Variants in ZNF710 observed in about 807,000 individuals in gnomAD.
ZNF710 encodes the protein zinc finger protein 710.
Under a neutral mutation model 50.6 loss-of-function variants are expected in ZNF710, and 13 were observed. The ratio of observed to expected loss-of-function variants is 0.26; its 90% CI spans 0.17 to 0.41. The LOEUF is 0.41. ZNF710 is among the 10% of genes least tolerant of loss of function. The pLI is 1.00. For missense variants in ZNF710, 721 were observed against 936.6 expected (o/e 0.77, Z 3.01); for synonymous variants, 383 against 397.0 (o/e 0.96, Z 0.42).
chr15:90,014,890 ATT>A (rs71151546), intron 1 of ZNF710, among the ~76,000 whole-genome samples: 32 of 136,690 alleles, frequency 2.3e-4, no homozygotes, highest in Admixed American at 4.4e-4. Context: ...CATCAACTGA[ATT>A]TTTTTTTTTT....
At chr15:90,050,265 G>C (rs1198297649) in intron 1 of ZNF710, among the ~76,000 whole-genome samples, 1 of 152,224 alleles carries the variant, frequency 6.6e-6, no homozygotes, top group African/African-American at 2.4e-5. Flanking sequence ...GCTGCCAGGG[G>C]CTCTGCTGGC....
rs748877722 is a variant in ZNF710 at position 90,079,854 on chromosome 15, G to A, written c.*25G>A. On this transcript the variant is annotated 3_prime_UTR_variant, in exon 5 of 5. Coordinates refer to ENST00000268154, the MANE Select transcript of ZNF710 (RefSeq NM_198526.4). ...GCGCAAGCTGGGCCACCCCTAACGG[G>A]GGCCGGGGGCGAGGGCATGGGGGTG... 2 of 1,566,824 alleles carry A rather than the reference G, an allele frequency of 1.3e-6. No individual in the cohort carries two copies. Among genetic ancestry groups the A allele is most frequent in the East Asian group, 2.3e-5 (1 of 43,148 alleles).
intron 1 of ZNF710, among the ~76,000 whole-genome samples, chr15:90,055,364 A>G (rs1179292019): frequency 6.6e-6 from 1 of 152,096 alleles, no homozygotes; most frequent in Non-Finnish European, 1.5e-5. Flanking sequence ...TGTGCAGGTG[A>G]GGTCTATTAA....
chr15:90,045,012 G>C (rs1451746189), intron 1 of ZNF710, among the ~76,000 whole-genome samples: 1 of 152,086 alleles, frequency 6.6e-6, no homozygotes, highest in Non-Finnish European at 1.5e-5. Flanking sequence ...CTGTTAGTCT[G>C]CCTGCTGAAC....
At chr15:90,071,645 T>TA (rs777252036) in intron 2 of ZNF710, among the ~76,000 whole-genome samples, 2 of 150,450 alleles carry the variant, frequency 1.3e-5, no homozygotes, top group Non-Finnish European at 3.0e-5. Flanking sequence ...GCTCCCAACT[T>TA]AAAAAAAATT....
chr15:90,077,304 C>T (rs981453408), intron 4 of ZNF710, among the ~76,000 whole-genome samples: 1 of 139,786 alleles, frequency 7.2e-6, no homozygotes, highest in Admixed American at 7.9e-5. Flanking sequence ...AGTGCAGTGG[C>T]GCGATCTCGG....
intron 1 of ZNF710, among the ~76,000 whole-genome samples, chr15:90,015,262 T>C (rs769877818): frequency 6.6e-6 from 1 of 152,170 alleles, no homozygotes; most frequent in Non-Finnish European, 1.5e-5. Context: ...CATATGAGAA[T>C]GTGAGAGCCC....
chr15:90,001,131 GGAGA>G (rs1197513563), upstream of ZNF710, among the ~76,000 whole-genome samples: 1 of 152,160 alleles, frequency 6.6e-6, no homozygotes, highest in African/African-American at 2.4e-5. Context: ...GAAAAAAACA[GGAGA>G]AAGAAAACCC....
rs61536388 is a variant in ZNF710, at chr15:90,031,587, G to A, written c.-29+29973G>A. 9.7e-3 allele frequency among the ~76,000 whole-genome samples: 1,480 copies of A among 152,326 alleles called. 26 individuals carry two copies. Among genetic ancestry groups the A allele is most frequent in the African/African-American group, 0.034 (1,405 of 41,554 alleles). The stretch of plus-strand genomic sequence containing the variant: ...TCTTTGCACAGCACTTGCCCCATGG[G>A]AGAAACCCGGTTGGTTTTGTTTTTG... On this transcript the variant is annotated intron_variant, in intron 1 of 4. Transcript: ENST00000268154.
At chr15:90,005,801 A>G (rs1357523509) in intron 1 of ZNF710, among the ~76,000 whole-genome samples, 1 of 152,220 alleles carries the variant, frequency 6.6e-6, no homozygotes, top group African/African-American at 2.4e-5. Context: ...AATAATAATC[A>G]TGTGTCTTAG....
intron 1 of ZNF710, among the ~76,000 whole-genome samples, chr15:90,017,365 A>T (rs751104261): frequency 1.1e-4 from 17 of 152,166 alleles, no homozygotes; most frequent in Non-Finnish European, 2.4e-4. Flanking sequence ...TGTTGGCCAT[A>T]TATAATACAA....
chr15:90,008,032 A>C (rs566050020), intron 1 of ZNF710, among the ~76,000 whole-genome samples: 1 of 152,216 alleles, frequency 6.6e-6, no homozygotes, highest in African/African-American at 2.4e-5. Context: ...ATTGGAAAGA[A>C]GGCACTTGAA....
At chr15:90,051,545 A>G (rs1899646691) in intron 1 of ZNF710, among the ~76,000 whole-genome samples, 1 of 151,998 alleles carries the variant, frequency 6.6e-6, no homozygotes, top group Non-Finnish European at 1.5e-5. Context: ...AGGCAGGAGA[A>G]TCGCTTGAAC....
At chr15:90,017,654 G>A (rs1486336886) in intron 1 of ZNF710, among the ~76,000 whole-genome samples, 4 of 151,904 alleles carry the variant, frequency 2.6e-5, no homozygotes, top group Non-Finnish European at 5.9e-5. Context: ...GACCCATCCT[G>A]TCCACTTTTG....
intron 1 of ZNF710, among the ~76,000 whole-genome samples, chr15:90,036,527 A>G (rs150441802): frequency 1.3e-5 from 2 of 152,082 alleles, no homozygotes; most frequent in Non-Finnish European, 2.9e-5. Context: ...CATTGTGAGC[A>G]TTCATCACTC....
intron 4 of ZNF710, among the ~76,000 whole-genome samples, chr15:90,077,778 T>C (rs1332165228): frequency 6.6e-6 from 1 of 152,102 alleles, no homozygotes; most frequent in Non-Finnish European, 1.5e-5. Context: ...AGACCAGGTG[T>C]GGTAGCGCAC....
intron 1 of ZNF710, among the ~76,000 whole-genome samples, chr15:90,032,094 T>C (rs1166075833): frequency 2.6e-5 from 4 of 152,222 alleles, no homozygotes; most frequent in African/African-American, 9.6e-5. Flanking sequence ...GCTCCCAGGT[T>C]CAAGCAATTC....
chr15:90,000,474 C>G (rs1897984579), upstream of ZNF710, among the ~76,000 whole-genome samples: 1 of 152,048 alleles, frequency 6.6e-6, no homozygotes, highest in Admixed American at 6.5e-5. Context: ...CAGCAGTGCG[C>G]CCCGGGGCCG....
At chr15:90,047,548 A>G (rs1224091659) in intron 1 of ZNF710, among the ~76,000 whole-genome samples, 1 of 150,474 alleles carries the variant, frequency 6.6e-6, no homozygotes, top group Admixed American at 6.6e-5. Context: ...ATATCACAGC[A>G]TTTTCACATT....
Sources: allele counts gnomAD v4.1 joint callset (sites outside exome capture counted in the v4.1 genomes callset), GRCh38; gene constraint gnomAD v4.1.1; transcripts MANE v1.5; gene names NCBI Gene and HGNC (gene_info 2026-07-23, HGNC 2026-07-21).